The following BTAF1 variants were observed in gnomAD, a reference collection of about 807,000 sequenced individuals.
BTAF1 encodes TATA-binding protein-associated factor 172.
In BTAF1, 38 loss-of-function variants were observed where a neutral mutation model predicts 227.1. That is an observed-to-expected ratio of 0.17 (90% confidence interval 0.13 to 0.22). The LOEUF (loss-of-function observed/expected upper bound fraction) is 0.22. Among genes scored for constraint, BTAF1 ranks in the 10% least tolerant of loss-of-function variants. The pLI is 1.00. For synonymous variants in BTAF1, 742 were observed against 751.9 expected (o/e 0.99, Z 0.21); for missense variants, 1,598 against 2,204.0 (o/e 0.73, Z 5.51).
chr10:91,945,494 A>G (rs1257354993), intron 4 of BTAF1, among the ~76,000 whole-genome samples: 1 of 151,990 alleles, frequency 6.6e-6, no homozygotes, highest in African/African-American at 2.4e-5. Flanking sequence ...TTCTGTCTCC[A>G]TGAATTTGAC....
intron 25 of BTAF1, among the ~76,000 whole-genome samples, 165 bp from the exon 26 acceptor site, chr10:92,007,958 T>C (rs1850039428): frequency 6.6e-6 from 1 of 152,252 alleles, no homozygotes. Context: ...AGTAGACTAA[T>C]TGTAGCACCT....
At chr10:91,957,324 C>T (rs1276503824) in intron 8 of BTAF1, 31 bp downstream of exon 8, 1 of 1,550,650 alleles carries the variant, frequency 6.4e-7, no homozygotes, top group African/African-American at 1.4e-5. Context: ...TTTTTCTCAG[C>T]TCTATTTTCT....
chr10:91,994,827 G>A (rs1472420748), intron 23 of BTAF1, among the ~76,000 whole-genome samples, 183 bp downstream of exon 23: 3 of 152,164 alleles, frequency 2.0e-5, no homozygotes, highest in Admixed American at 1.3e-4. Flanking sequence ...ATGTAGACCA[G>A]GCTGCTTGAA....
At chr10:91,991,832 T>TATATATATATAC (rs1466556430) in intron 20 of BTAF1, among the ~76,000 whole-genome samples, 15 of 11,278 alleles carry the variant, frequency 1.3e-3, no homozygotes, top group African/African-American at 2.0e-3. Context: ...TATATATATA[T>TATATATATATAC]ACACACATAT....
At chr10:91,935,868 T>C (rs1000535707) in intron 2 of BTAF1, 88 bp downstream of exon 2, 1 of 1,217,994 alleles carries the variant, frequency 8.2e-7, no homozygotes, top group Non-Finnish European at 1.1e-6. Context: ...AAACATCATC[T>C]TAATTTTTAA....
chr10:91,943,303 G>A (rs1003561858), intron 4 of BTAF1, among the ~76,000 whole-genome samples: 1 of 152,106 alleles, frequency 6.6e-6, no homozygotes, highest in African/African-American at 2.4e-5. Flanking sequence ...AACAGAGGTA[G>A]ACTCTGTCTC....
rs780119638 is a variant in BTAF1, at chr10:92,026,676, A to G, written c.5160A>G (p.Thr1720=). 4.9e-5 allele frequency: 79 copies of G among 1,613,894 alleles called. No homozygotes were observed. The highest frequency in any genetic ancestry group is 6.2e-5 in the Non-Finnish European group (73 of 1,179,994). The change falls in exon 36 of 38, where the codon ACA becomes ACG. Residue 1720 remains threonine, a synonymous_variant. Transcript: ENST00000265990. ...GLGLNLTGAD[T]VVFVEHDWNP... ...GACTTAATTTGACAGGCGCTGACAC[A>G]GTAGTATTTGTGGAGCATGACTGGA...
chr10:92,021,609 T>G (rs1413161277), intron 34 of BTAF1, among the ~76,000 whole-genome samples: 1 of 151,936 alleles, frequency 6.6e-6, no homozygotes, highest in Non-Finnish European at 1.5e-5. Context: ...TGGCGCGATC[T>G]TGGCTCACTG....
intron 14 of BTAF1, among the ~76,000 whole-genome samples, chr10:91,972,532 A>C (rs1382732186): frequency 1.3e-5 from 2 of 152,250 alleles, no homozygotes; most frequent in Non-Finnish European, 2.9e-5. Context: ...GTCATTATGC[A>C]ATGAAAACTC....
intron 4 of BTAF1, among the ~76,000 whole-genome samples, chr10:91,950,758 T>A (rs1845717197): frequency 6.6e-6 from 1 of 152,132 alleles, no homozygotes; most frequent in South Asian, 2.1e-4. Flanking sequence ...GATGTTTTTT[T>A]AGCCCAGTGA....
intron 24 of BTAF1, chr10:91,997,228 A>G (rs1255247454): frequency 1.9e-6 from 2 of 1,058,838 alleles, no homozygotes; most frequent in Admixed American, 2.3e-5. Flanking sequence ...TTTGGAATTA[A>G]TCTTTGAGTG....
chr10:91,994,418 A>T, intron 22 of BTAF1, 117 bp from the exon 23 acceptor site: 1 of 628,412 alleles, frequency 1.6e-6, no homozygotes, highest in Non-Finnish European at 2.7e-6. Context: ...ATTTAATTTT[A>T]ACACTAAGAA....
At chr10:92,009,935 T>C (rs1272291161) in intron 28 of BTAF1, among the ~76,000 whole-genome samples, 1 of 152,242 alleles carries the variant, frequency 6.6e-6, no homozygotes, top group Non-Finnish European at 1.5e-5. Flanking sequence ...TCCATAGATT[T>C]GCTGTACTCC....
At chr10:91,991,244 T>G (rs1281583658) in intron 20 of BTAF1, among the ~76,000 whole-genome samples, 1 of 82,498 alleles carries the variant, frequency 1.2e-5, no homozygotes, top group African/African-American at 3.1e-5. Context: ...AGACTCCGTC[T>G]CAAAAAAATA....
In BTAF1 at chr10:91,993,831, C is replaced by T. The variant is rs750289435; in HGVS notation, c.3183C>T (p.Ile1061=). Residue 1061 remains isoleucine (I), a synonymous_variant, in exon 22 of 38, where the codon ATC becomes ATT. Coordinates refer to ENST00000265990, the MANE Select transcript of BTAF1 (RefSeq NM_003972.3). ...DAMVGPLRNT[I]DINNFDGKSL... is the part of the protein sequence containing the mutation. ...TGGTTGGCCCATTGAGGAATACAAT[C>T]GACATAAATAATTTTGGTATACACA... is the stretch of plus-strand genomic sequence containing the variant. The T allele has an allele frequency of 4.4e-6, 7 of 1,593,894 alleles. No individual in the cohort carries two copies. The highest frequency in any genetic ancestry group is 2.7e-5 in the African/African-American group (2 of 74,254).
intron 33 of BTAF1, among the ~76,000 whole-genome samples, chr10:92,018,368 A>T (rs893830853): frequency 4.6e-5 from 7 of 152,324 alleles, no homozygotes; most frequent in Non-Finnish European, 1.0e-4. Flanking sequence ...GGGGTGAGGC[A>T]CCATGCCCGG....
chr10:91,925,411 T>A (rs1843756553), intron 1 of BTAF1, among the ~76,000 whole-genome samples: 1 of 152,178 alleles, frequency 6.6e-6, no homozygotes, highest in Non-Finnish European at 1.5e-5. Context: ...GATGAGTACT[T>A]CTTTTCTTAG....
chr10:91,971,084 G>A (rs1043052733), intron 14 of BTAF1, among the ~76,000 whole-genome samples: 21 of 152,150 alleles, frequency 1.4e-4, no homozygotes, highest in African/African-American at 3.4e-4. Context: ...TGACATGTTT[G>A]TGGTCCTTTT....
chr10:91,964,327 G>A, intron 13 of BTAF1, 126 bp downstream of exon 13: 1 of 1,108,460 alleles, frequency 9.0e-7, no homozygotes, highest in Non-Finnish European at 1.3e-6. Context: ...AGATGCCAAA[G>A]ACTACCGTTT....
Sources: gnomAD v4.1 joint callset for allele counts (sites outside exome capture counted in the v4.1 genomes callset) on GRCh38, gnomAD v4.1.1 for gene constraint, MANE v1.5 for transcripts, NCBI Gene and HGNC (gene_info 2026-07-23, HGNC 2026-07-21) for gene names.